Variants in PTPRS observed in about 807,000 individuals in gnomAD.
PTPRS encodes the protein protein tyrosine phosphatase receptor type S.
PTPRS carries 63 observed loss-of-function variants against 215.3 expected under a neutral mutation model. The ratio of observed to expected loss-of-function variants is 0.29; its 90% confidence interval spans 0.24 to 0.36. The LOEUF (loss-of-function observed/expected upper bound fraction) is 0.36. Ranked by LOEUF, PTPRS falls within the 10% of genes least tolerant of loss-of-function variation. PTPRS has a pLI of 1.00. For missense variants in PTPRS, 2,258 were observed against 2,825.8 expected, an observed-to-expected ratio of 0.80 and a Z score of 4.56; for synonymous variants, 1,404 against 1,191.4, an observed-to-expected ratio of 1.18 and a Z score of -3.68.
intron 4 of PTPRS, among the ~76,000 whole-genome samples, chr19:5,271,047 C>T (rs1169059428): frequency 6.6e-6 from 1 of 152,300 alleles, no homozygotes; most frequent in East Asian, 1.9e-4. Flanking sequence ...CTGTGATAAC[C>T]CCTCCCAGGG....
At chr19:5,326,156 G>A (rs1411244978) in intron 1 of PTPRS, among the ~76,000 whole-genome samples, 2 of 152,118 alleles carry the variant, frequency 1.3e-5, no homozygotes, top group African/African-American at 2.4e-5. Flanking sequence ...GCTTGAACCC[G>A]GGAGGTGGGG....
At chr19:5,298,020 T>C (rs552679499) in intron 1 of PTPRS, among the ~76,000 whole-genome samples, 1 of 152,176 alleles carries the variant, frequency 6.6e-6, no homozygotes, top group South Asian at 2.1e-4. Context: ...GGTCTCAAAC[T>C]CCTGACCTCA....
At chr19:5,271,748 G>T (rs1301480149) in intron 4 of PTPRS, among the ~76,000 whole-genome samples, 1 of 151,362 alleles carries the variant, frequency 6.6e-6, no homozygotes, top group Non-Finnish European at 1.5e-5. Flanking sequence ...TTTTGAGACA[G>T]AGTTTCGCTC....
chr19:5,215,007 C>A (rs914494728), intron 28 of PTPRS, among the ~76,000 whole-genome samples: 2 of 152,286 alleles, frequency 1.3e-5, no homozygotes, highest in Admixed American at 1.3e-4. Context: ...TTCTTCCCTT[C>A]AAGTTGTGAC....
Position 5,218,774 on chromosome 19 carries a change from G to A in PTPRS, c.3935+13C>T. The A allele has an allele frequency of 6.2e-7, 1 of 1,612,278 alleles. No homozygotes were observed. Among genetic ancestry groups the A allele is most frequent in the Non-Finnish European group, 8.5e-7 (1 of 1,179,132 alleles). On this transcript the variant is annotated intron_variant, in intron 24 of 37. Transcript: ENST00000262963. The stretch of plus-strand genomic sequence containing the variant: ...CTTGCCTGAAGCCTCCACGGGGGAG[G>A]GCTGGTTCTTACCTGTCGGGTTTGC...
Position 5,262,963 on chromosome 19 carries a change from C to T in PTPRS, c.577+1G>A, listed in dbSNP as rs771232838. 10 of 1,581,748 alleles carry T rather than the reference C, an allele frequency of 6.3e-6. No homozygotes were observed. In the Middle Eastern group the frequency reaches 1.2e-3, roughly 185 times the overall value. ...TGACGTGGTGATGAAATCAGACTTACCAAAGGTTTCTGAACGTTTACAACA... is the reference window on the plus strand; with the variant it reads ...TGACGTGGTGATGAAATCAGACTTATCAAAGGTTTCTGAACGTTTACAACA... On this transcript the variant is annotated splice_donor_variant, in intron 6 of 37. Transcript: ENST00000262963. LOFTEE classifies it high-confidence loss of function.
chr19:5,222,002 C>G lies in PTPRS; in HGVS notation c.3201+121G>C, dbSNP rs2042017178. ...GACTAAGCCTCAATCCTAGCTGAGA[C>G]CCATCTCTGACTGAGCCCTGATCCC... On this transcript the variant is annotated intron_variant, in intron 19 of 37. Transcript: ENST00000262963. The G allele has an allele frequency of 3.9e-6, 3 of 770,448 alleles. No homozygotes were observed. The East Asian group carries it at 7.5e-5, about 19-fold the overall frequency. The allele number at this position is 770,448 out of a possible 1,614,324, so 47.7% of individuals were successfully genotyped here.
Position 5,214,487 on chromosome 19 carries a change from C to A in PTPRS, c.4495-7G>T, listed in dbSNP as rs372866346. On this transcript the variant is annotated splice_polypyrimidine_tract_variant and splice_region_variant and intron_variant, in intron 29 of 37. Coordinates refer to ENST00000262963, the MANE Select transcript of PTPRS (RefSeq NM_002850.4). Reference sequence around the variant, plus strand: ...AATACTGATCACACTTGATCTGTATCGGGCAAGAGAACAGGTGTCAGCAGG... The same window carrying A: ...AATACTGATCACACTTGATCTGTATAGGGCAAGAGAACAGGTGTCAGCAGG... 6.2e-7 allele frequency: 1 copy of A among 1,614,052 alleles called. No homozygotes were observed. The highest frequency in any genetic ancestry group is 1.7e-5 in the Admixed American group (1 of 60,022).
chr19:5,298,126 G>A (rs1600065052), intron 1 of PTPRS, among the ~76,000 whole-genome samples: 1 of 152,224 alleles, frequency 6.6e-6, no homozygotes, highest in East Asian at 1.9e-4. Flanking sequence ...CATACGAATG[G>A]GTGCTTTTCT....
intron 1 of PTPRS, among the ~76,000 whole-genome samples, chr19:5,323,605 G>C (rs902169673): frequency 6.6e-6 from 1 of 152,270 alleles, no homozygotes; most frequent in African/African-American, 2.4e-5. Flanking sequence ...ACCATGCCTG[G>C]TGTATTGGAG....
chr19:5,250,365 C>T (rs570119777), intron 9 of PTPRS, among the ~76,000 whole-genome samples: 145 of 152,284 alleles, frequency 9.5e-4, no homozygotes, highest in African/African-American at 2.9e-3. Context: ...GTGTTCTGCC[C>T]GGTTTGGTGC....
intron 1 of PTPRS, among the ~76,000 whole-genome samples, chr19:5,304,826 G>A (rs1366998603): frequency 6.6e-6 from 1 of 152,056 alleles, no homozygotes; most frequent in Non-Finnish European, 1.5e-5. Flanking sequence ...GCCAAGGTCT[G>A]GAGGCAAGAG....
intron 2 of PTPRS, among the ~76,000 whole-genome samples, chr19:5,275,094 A>T (rs2047246228): frequency 6.7e-6 from 1 of 149,084 alleles, no homozygotes. Context: ...TTTTCCAGAC[A>T]GTGTCTCACT....
intron 1 of PTPRS, among the ~76,000 whole-genome samples, chr19:5,330,992 C>T (rs1242610116): frequency 6.6e-6 from 1 of 152,064 alleles, no homozygotes; most frequent in African/African-American, 2.4e-5. Flanking sequence ...GCAGAGGGAA[C>T]CCATTAGCAA....
At chr19:5,314,809 G>T (rs574735123) in intron 1 of PTPRS, among the ~76,000 whole-genome samples, 1 of 152,246 alleles carries the variant, frequency 6.6e-6, no homozygotes, top group East Asian at 1.9e-4. Context: ...GGTTATCCCT[G>T]CTCAACAGGG....
At position 5,215,344 on chromosome 19, in the gene PTPRS, G is replaced by A. The variant is rs1382106579; in HGVS notation, c.4263C>T (p.Arg1421=). 1.2e-6 allele frequency: 2 copies of A among 1,614,180 alleles called. No individual in the cohort carries two copies. The highest frequency in any genetic ancestry group is 8.5e-7 in the Non-Finnish European group (1 of 1,180,028). Residue 1421 remains arginine (R), a synonymous_variant, in exon 28 of 38, where the codon CGC becomes CGT. Transcript: ENST00000262963. The part of the protein sequence containing the change: ...SNLEVNKPKN[R]YANVIAYDHS... ...GGTCATAGGCGATGACGTTGGCATAGCGGTTCTTCGGCTTGTTCACTTCCA... is the reference window on the plus strand; with the variant it reads ...GGTCATAGGCGATGACGTTGGCATAACGGTTCTTCGGCTTGTTCACTTCCA...
chr19:5,336,114 T>C (rs897758739), intron 1 of PTPRS, among the ~76,000 whole-genome samples: 2 of 151,446 alleles, frequency 1.3e-5, no homozygotes, highest in Non-Finnish European at 1.5e-5. Context: ...TTTGGAGAAG[T>C]GTAAGCCAAT....
intron 1 of PTPRS, among the ~76,000 whole-genome samples, chr19:5,329,080 C>G (rs763916397): frequency 2.0e-5 from 3 of 152,022 alleles, no homozygotes; most frequent in Admixed American, 6.6e-5. Flanking sequence ...AGAGCGATAT[C>G]GTGAGGGAAA....
intron 13 of PTPRS, among the ~76,000 whole-genome samples, chr19:5,235,772 C>G (rs544556080): frequency 6.6e-6 from 1 of 152,314 alleles, no homozygotes; most frequent in South Asian, 2.1e-4. Context: ...GGGGCACCTA[C>G]TGTGTGCCAG....
Sources: allele counts gnomAD v4.1 joint callset (sites outside exome capture counted in the v4.1 genomes callset), GRCh38; gene constraint gnomAD v4.1.1; transcripts MANE v1.5; gene names NCBI Gene and HGNC (gene_info 2026-07-23, HGNC 2026-07-21).